Variants in FTO observed in about 807,000 individuals in gnomAD.
FTO encodes alpha-ketoglutarate-dependent dioxygenase FTO.
In FTO, 47 loss-of-function variants were observed where a neutral mutation model predicts 63.9. The ratio of observed to expected loss-of-function variants is 0.74; its 90% CI spans 0.58 to 0.94. The LOEUF (loss-of-function observed/expected upper bound fraction) is 0.94, where lower values mean the gene tolerates loss of function less well. Ranked by LOEUF, FTO falls within the 40% of genes least tolerant of loss-of-function variation. The pLI is 0.00. For synonymous variants in FTO, 207 were observed against 224.4 expected (o/e 0.92, Z 0.69); for missense variants, 562 against 618.1 (o/e 0.91, Z 0.96).
chr16:53,769,378 C>T (rs1409378747), intron 1 of FTO, among the ~76,000 whole-genome samples: 3 of 151,970 alleles, frequency 2.0e-5, no homozygotes, highest in Admixed American at 6.6e-5. Flanking sequence ...TAACTTTGGG[C>T]GGGGTACTTA....
intron 8 of FTO, among the ~76,000 whole-genome samples, chr16:53,987,490 G>A (rs1459456790): frequency 6.6e-6 from 1 of 151,524 alleles, no homozygotes; most frequent in Non-Finnish European, 1.5e-5. Flanking sequence ...GGCTGAGGCA[G>A]GAAAATTGCT....
At chr16:53,821,748 A>G (rs535199626) in intron 2 of FTO, among the ~76,000 whole-genome samples, 1 of 152,104 alleles carries the variant, frequency 6.6e-6, no homozygotes, top group Admixed American at 6.6e-5. Context: ...ACTTCCTCCC[A>G]CTTTCTGCAT....
intron 1 of FTO, among the ~76,000 whole-genome samples, chr16:53,715,377 G>A (rs2151475274): frequency 6.6e-6 from 1 of 152,220 alleles, no homozygotes; most frequent in South Asian, 2.1e-4. Context: ...ATAAAAATAG[G>A]CCCATCTTGC....
Position 53,820,166 on chromosome 16 carries a change from G to A in FTO, c.124-5698G>A, listed in dbSNP as rs146563708. The stretch of plus-strand genomic sequence containing the variant: ...TGGGATTACAGATGCCCGCCACCAC[G>A]CCCAGCTAGTTTTTGTATTTTTAGT... On this transcript the variant is annotated intron_variant, in intron 2 of 8. Coordinates refer to ENST00000471389, the MANE Select transcript of FTO (RefSeq NM_001080432.3). Among the ~76,000 whole-genome samples, 562 of 151,794 alleles carry A rather than the reference G, an allele frequency of 3.7e-3. 6 individuals carry two copies. Among genetic ancestry groups the A allele is most frequent in the African/African-American group, 0.012 (509 of 41,384 alleles).
rs1445442706 is a variant in FTO at position 54,118,733 on chromosome 16, C to T, written c.*6818C>T. On this transcript the variant is annotated 3_prime_UTR_variant, in exon 9 of 9. Coordinates refer to ENST00000471389, the MANE Select transcript of FTO (RefSeq NM_001080432.3). ...GTCTTCGTGGTGCCAGTTTCAAGGGCACCCTTCTTCCCTTCCCAGCCTCCG... is the reference window on the plus strand; with the variant it reads ...GTCTTCGTGGTGCCAGTTTCAAGGGTACCCTTCTTCCCTTCCCAGCCTCCG... 2.6e-5 allele frequency: 4 copies of T among 152,088 alleles called. No homozygotes were observed. The highest frequency in any genetic ancestry group is 1.3e-4 in the Admixed American group (2 of 15,268). The allele number at this position is 152,088 out of a possible 1,614,324, so 9.4% of individuals were successfully genotyped here.
chr16:54,093,459 G>A (rs758163492), intron 8 of FTO, among the ~76,000 whole-genome samples: 5 of 152,314 alleles, frequency 3.3e-5, no homozygotes, highest in Middle Eastern at 3.4e-3. Flanking sequence ...GGCCGGGCAC[G>A]GGGCAGGAGG....
At chr16:53,775,794 C>T (rs1395320213) in intron 1 of FTO, among the ~76,000 whole-genome samples, 1 of 152,104 alleles carries the variant, frequency 6.6e-6, no homozygotes, top group African/African-American at 2.4e-5. Context: ...TGTTTTCTTT[C>T]TCATTTGTTT....
intron 1 of FTO, among the ~76,000 whole-genome samples, chr16:53,797,655 A>G (rs1379840509): frequency 2.0e-5 from 3 of 152,056 alleles, no homozygotes; most frequent in African/African-American, 7.2e-5. Context: ...GTGAACATTC[A>G]TGTGCAGATT....
intron 8 of FTO, chr16:54,039,588 C>G (rs1209900817): frequency 6.6e-6 from 1 of 152,214 alleles, no homozygotes; most frequent in African/African-American, 2.4e-5. Flanking sequence ...CCTGAGCAGA[C>G]AGTGAAGAAC....
At chr16:53,786,214 T>A (rs760651730) in intron 1 of FTO, among the ~76,000 whole-genome samples, 17 of 152,186 alleles carry the variant, frequency 1.1e-4, no homozygotes, top group Non-Finnish European at 1.9e-4. Context: ...TTTCTTATGA[T>A]GACCTTTCTT....
chr16:53,907,046 A>G (rs1196181101), intron 7 of FTO, among the ~76,000 whole-genome samples: 4 of 152,168 alleles, frequency 2.6e-5, no homozygotes, highest in Non-Finnish European at 5.9e-5. Context: ...CCAGGGTAAT[A>G]TTATCATATG....
At chr16:54,053,540 T>C (rs1248685810) in intron 8 of FTO, among the ~76,000 whole-genome samples, 1 of 152,164 alleles carries the variant, frequency 6.6e-6, no homozygotes, top group African/African-American at 2.4e-5. Flanking sequence ...GAAAAATTGA[T>C]AGGCGACACT....
intron 8 of FTO, among the ~76,000 whole-genome samples, chr16:53,973,127 C>T (rs748416767): frequency 1.6e-4 from 25 of 152,144 alleles, no homozygotes; most frequent in Non-Finnish European, 3.5e-4. Context: ...ACTTAGCCTC[C>T]TAAGCAAAGA....
chr16:53,909,603 ACC>A (rs2081632963), intron 7 of FTO, among the ~76,000 whole-genome samples: 2 of 122,412 alleles, frequency 1.6e-5, no homozygotes, highest in South Asian at 5.1e-4. Context: ...TCACTCTGTC[ACC>A]CAGGCTGGAG....
intron 8 of FTO, among the ~76,000 whole-genome samples, chr16:54,028,160 A>G (rs2084755620): frequency 6.6e-6 from 1 of 152,212 alleles, no homozygotes; most frequent in Non-Finnish European, 1.5e-5. Flanking sequence ...TGATAGAGCT[A>G]TCAGATTTGT....
chr16:53,974,064 C>T (rs1269978433), intron 8 of FTO, among the ~76,000 whole-genome samples: 4 of 152,156 alleles, frequency 2.6e-5, no homozygotes, highest in Admixed American at 6.5e-5. Context: ...ATGGGCCCTG[C>T]TTGGTCAAAC....
At chr16:54,034,441 G>A (rs1230668202) in intron 8 of FTO, among the ~76,000 whole-genome samples, 1 of 152,150 alleles carries the variant, frequency 6.6e-6, no homozygotes, top group Non-Finnish European at 1.5e-5. Context: ...TAGCCTGTTG[G>A]CATGAGTACA....
chr16:53,844,097 A>T, intron 3 of FTO, 58 bp from the exon 4 acceptor site: 2 of 1,392,960 alleles, frequency 1.4e-6, no homozygotes, highest in Non-Finnish European at 2.0e-6. Flanking sequence ...AACAATTATA[A>T]AATTCAGAAG....
chr16:53,704,282 A>G (rs548322126), intron 1 of FTO, 53 bp downstream of exon 1: 14 of 1,529,684 alleles, frequency 9.2e-6, no homozygotes, highest in Non-Finnish European at 1.2e-5. Flanking sequence ...AGCAAGGATC[A>G]GGGAACCGGA....
Sources: allele counts gnomAD v4.1 joint callset (sites outside exome capture counted in the v4.1 genomes callset), GRCh38; gene constraint gnomAD v4.1.1; transcripts MANE v1.5; gene names NCBI Gene and HGNC (gene_info 2026-07-23, HGNC 2026-07-21).